SYCP1: variants seen among roughly 807,000 people sequenced by gnomAD.
SYCP1 encodes the protein synaptonemal complex protein 1.
A neutral mutation model predicts 153.1 loss-of-function variants in SYCP1; 64 were observed. That is an observed-to-expected ratio of 0.42 (90% CI 0.34 to 0.51). SYCP1 has a LOEUF of 0.51. SYCP1 is among the 20% of genes least tolerant of loss of function. The pLI, the probability that SYCP1 is intolerant of heterozygous loss-of-function variation, is 0.06. For missense variants in SYCP1, 997 were observed against 1,049.0 expected (o/e 0.95, Z 0.68); for synonymous variants, 384 against 341.8 (o/e 1.12, Z -1.36).
At chr1:114,974,006 T>G (rs547924515) in intron 27 of SYCP1, among the ~76,000 whole-genome samples, 20 of 151,878 alleles carry the variant, frequency 1.3e-4, no homozygotes, top group Non-Finnish European at 2.1e-4. Flanking sequence ...GTATACTTTA[T>G]TTTTGTATTT....
intron 26 of SYCP1, among the ~76,000 whole-genome samples, chr1:114,946,992 T>A (rs1670752417): frequency 6.6e-6 from 1 of 152,156 alleles, no homozygotes; most frequent in South Asian, 2.1e-4. Flanking sequence ...GTGATATGCC[T>A]GCCTCTGCCT....
intron 7 of SYCP1, among the ~76,000 whole-genome samples, chr1:114,860,243 T>A (rs1349049439): frequency 1.3e-5 from 2 of 152,166 alleles, no homozygotes; most frequent in Non-Finnish European, 2.9e-5. Context: ...GAAAATTAAG[T>A]CTAACTGCCA....
At chr1:114,986,739 G>A (rs1031452174) in intron 30 of SYCP1, among the ~76,000 whole-genome samples, 4 of 151,988 alleles carry the variant, frequency 2.6e-5, no homozygotes, top group African/African-American at 4.8e-5. Flanking sequence ...GAAGTGCCAG[G>A]AATCCATCTC....
chr1:114,889,006 TCATCCATGTCCTTGCAAAGGA>T (rs1666506765), intron 15 of SYCP1, among the ~76,000 whole-genome samples: 1 of 152,214 alleles, frequency 6.6e-6, no homozygotes, highest in South Asian at 2.1e-4. Flanking sequence ...GTTTCCAGCT[TCATCCATGTCCTTGCAAAGGA>T]CATGAATTCA....
At chr1:114,855,685 C>T (rs1462862339) in intron 2 of SYCP1, 113 bp downstream of exon 2, 2 of 806,014 alleles carry the variant, frequency 2.5e-6, no homozygotes, top group East Asian at 2.8e-5. Flanking sequence ...TAAATGGTCT[C>T]ATTTACCCAA....
chr1:114,920,272 A>T (rs896963437), intron 20 of SYCP1, among the ~76,000 whole-genome samples: 1 of 151,886 alleles, frequency 6.6e-6, no homozygotes, highest in South Asian at 2.1e-4. Flanking sequence ...TTAAATTTTC[A>T]TGTGTTTTTA....
chr1:114,890,381 A>G (rs1370348533), intron 15 of SYCP1, among the ~76,000 whole-genome samples: 2 of 151,548 alleles, frequency 1.3e-5, no homozygotes, highest in African/African-American at 4.8e-5. Flanking sequence ...ATTTATATTT[A>G]TAAACATTAA....
chr1:114,949,039 A>G (rs1460498197), intron 27 of SYCP1, among the ~76,000 whole-genome samples: 57 of 152,192 alleles, frequency 3.7e-4, no homozygotes, highest in Admixed American at 3.6e-3. Flanking sequence ...TTGTGGCTCA[A>G]TCAAAGCAAG....
chr1:114,934,079 C>T (rs532556993), intron 23 of SYCP1, among the ~76,000 whole-genome samples: 17 of 152,070 alleles, frequency 1.1e-4, no homozygotes, highest in Non-Finnish European at 1.8e-4. Context: ...AGATACTCCT[C>T]GAGAAGAGCA....
intron 27 of SYCP1, among the ~76,000 whole-genome samples, chr1:114,974,495 A>T (rs1394421641): frequency 6.6e-6 from 1 of 151,786 alleles, no homozygotes; most frequent in Admixed American, 6.6e-5. Flanking sequence ...TTCAACACGA[A>T]TTCCCTTTTC....
intron 16 of SYCP1, among the ~76,000 whole-genome samples, chr1:114,902,599 G>C (rs145967496): frequency 6.6e-6 from 1 of 150,444 alleles, no homozygotes; most frequent in African/African-American, 2.5e-5. Context: ...CTGAGGCCCC[G>C]CCCTGTCCTC....
chr1:114,929,417 T>TA (rs1669482484), intron 23 of SYCP1, among the ~76,000 whole-genome samples: 2 of 151,854 alleles, frequency 1.3e-5, no homozygotes, highest in Non-Finnish European at 2.9e-5. Flanking sequence ...CATGCTAGAT[T>TA]AAAAAAATCA....
intron 17 of SYCP1, 70 bp from the exon 18 acceptor site, chr1:114,911,409 C>A: frequency 8.2e-7 from 1 of 1,225,120 alleles, no homozygotes; most frequent in Admixed American, 3.1e-5. Context: ...CTTAATTACA[C>A]AGTGACTATA....
intron 28 of SYCP1, among the ~76,000 whole-genome samples, chr1:114,978,651 T>C (rs184529737): frequency 6.6e-6 from 1 of 151,838 alleles, no homozygotes; most frequent in Non-Finnish European, 1.5e-5. Flanking sequence ...GCTCTGATTA[T>C]AGTTAAACTG....
chr1:114,878,384 C>T (rs1474249886), intron 12 of SYCP1, among the ~76,000 whole-genome samples, 182 bp downstream of exon 12: 2 of 151,870 alleles, frequency 1.3e-5, no homozygotes, highest in African/African-American at 4.8e-5. Flanking sequence ...AATACATGTA[C>T]TCTTCTTTTC....
chr1:114,927,600 C>A (rs762683374), intron 23 of SYCP1, among the ~76,000 whole-genome samples: 6 of 151,826 alleles, frequency 4.0e-5, no homozygotes, highest in Non-Finnish European at 5.9e-5. Context: ...AAACCAAAAC[C>A]AAAACAAAAA....
chr1:114,940,107 T>C (rs905740015), intron 23 of SYCP1, among the ~76,000 whole-genome samples: 6 of 152,132 alleles, frequency 3.9e-5, no homozygotes, highest in Non-Finnish European at 2.9e-5. Flanking sequence ...CTTTTTCCTT[T>C]GTTTTTTGAG....
chr1:114,863,737 G>C (rs1664531347), intron 8 of SYCP1, among the ~76,000 whole-genome samples: 1 of 152,068 alleles, frequency 6.6e-6, no homozygotes, highest in Non-Finnish European at 1.5e-5. Context: ...GTCTTCTTTT[G>C]AGAAGTGTCT....
chr1:114,866,845 G>A (rs765558930), intron 8 of SYCP1, among the ~76,000 whole-genome samples: 1 of 148,564 alleles, frequency 6.7e-6, no homozygotes, highest in African/African-American at 2.5e-5. Flanking sequence ...TTACATTTAG[G>A]TCTATGATAA....
Sources: gnomAD v4.1 joint callset for allele counts (sites outside exome capture counted in the v4.1 genomes callset) on GRCh38, gnomAD v4.1.1 for gene constraint, MANE v1.5 for transcripts, NCBI Gene and HGNC (gene_info 2026-07-23, HGNC 2026-07-21) for gene names.